The following BTN1A1 variants were observed in gnomAD, a reference collection of about 807,000 sequenced individuals.
The protein encoded by BTN1A1 is bK14H9.2 (butyrophilin, subfamily 1, member A1).
A neutral mutation model predicts 33.1 loss-of-function variants in BTN1A1; 26 were observed. The ratio of observed to expected loss-of-function variants is 0.79; its 90% CI spans 0.58 to 1.09. BTN1A1 has a LOEUF of 1.09. Among genes scored for constraint, BTN1A1 ranks in the 50% least tolerant of loss-of-function variants. BTN1A1 has a pLI of 0.00. For missense variants in BTN1A1, 558 were observed against 655.7 expected (o/e 0.85, Z 1.63); for synonymous variants, 235 against 256.2 (o/e 0.92, Z 0.79).
chr6:26,503,212 G>C (rs1243044806), intron 3 of BTN1A1, among the ~76,000 whole-genome samples: 1 of 151,580 alleles, frequency 6.6e-6, no homozygotes, highest in Non-Finnish European at 1.5e-5. Flanking sequence ...AGTGGGATGT[G>C]GTGTCTCACG....
intron 5 of BTN1A1, 83 bp downstream of exon 5, chr6:26,506,915 T>G (rs537580875): frequency 1.9e-4 from 287 of 1,500,464 alleles, no homozygotes; most frequent in Non-Finnish European, 2.5e-4. Flanking sequence ...ATGACTTATT[T>G]TAGGATGACA....
intron 3 of BTN1A1, 45 bp from the exon 4 acceptor site, chr6:26,504,879 CA>C (rs3830939): frequency 0.015 from 23,590 of 1,586,476 alleles, 250 homozygotes; most frequent in South Asian, 0.034. Flanking sequence ...ATAAGGCTCC[CA>C]AAAGGGGTCC....
In BTN1A1 at chr6:26,508,712, C is replaced by T. The variant is rs199986830; in HGVS notation, c.1119C>T (p.Gly373=). The change falls in exon 8 of 8, where the codon GGC becomes GGT. Residue 373 remains glycine (G), a synonymous_variant. Transcript: ENST00000684113. ...GAGACAGGACTGACTGGGCAATCGG[C>T]GTGTGTAGGGAGAATGTGATGAAGA... The part of the protein sequence containing the change: ...EVGDRTDWAI[G]VCRENVMKKG... 3.5e-5 allele frequency: 57 copies of T among 1,614,058 alleles called. No homozygotes were observed. The highest frequency in any genetic ancestry group is 3.1e-4 in the South Asian group (28 of 91,082).
chr6:26,503,832 ACATAGAAATTTGATGGC>A (rs1444526341), intron 3 of BTN1A1, among the ~76,000 whole-genome samples: 1 of 152,142 alleles, frequency 6.6e-6, no homozygotes, highest in African/African-American at 2.4e-5. Flanking sequence ...GATTATAAAA[ACATAGAAATTTGATGGC>A]ATAAAATGTG....
intron 1 of BTN1A1, among the ~76,000 whole-genome samples, 150 bp downstream of exon 1, chr6:26,500,508 C>T (rs1365422950): frequency 1.3e-5 from 2 of 152,174 alleles, no homozygotes; most frequent in Non-Finnish European, 2.9e-5. Context: ...CTTCTTGCTC[C>T]ATCTCCTCCC....
chr6:26,506,043 C>T (rs565887691), intron 4 of BTN1A1, among the ~76,000 whole-genome samples: 1 of 149,274 alleles, frequency 6.7e-6, no homozygotes, highest in Non-Finnish European at 1.5e-5. Context: ...GGTGTGAACC[C>T]GGGAGGCAGA....
chr6:26,501,075 T>G lies in BTN1A1; in HGVS notation c.-57-155T>G. The G allele has an allele frequency of 1.7e-6, 1 of 599,694 alleles. No individual in the cohort carries two copies. The allele number at this position is 599,694 out of a possible 1,614,324, so 37.1% of individuals were successfully genotyped here. A position where few individuals can be genotyped will look rare whatever the true frequency, so the allele number is the denominator to read the frequency against. On this transcript the variant is annotated intron_variant, in intron 1 of 7. Coordinates refer to ENST00000684113, the MANE Select transcript of BTN1A1 (RefSeq NM_001732.3). This position sits in a 1 kb window ranked among gnomAD's most constrained non-coding sequence, Gnocchi z 5.2. ...GTGGGTGGGAAGGTGATAACCACAGTGTAAACTAAAAATCCATACTGGGGA... is the reference window on the plus strand; with the variant it reads ...GTGGGTGGGAAGGTGATAACCACAGGGTAAACTAAAAATCCATACTGGGGA...
At position 26,508,569 on chromosome 6, in the gene BTN1A1, C is replaced by T. The variant is rs755009512; in HGVS notation, c.976C>T (p.Arg326Ter). The T allele has an allele frequency of 8.7e-6, 14 of 1,613,994 alleles. No individual in the cohort carries two copies. Among genetic ancestry groups the T allele is most frequent in the African/African-American group, 1.3e-5 (1 of 74,912 alleles). ...LFLYEDSKSV[R>*]LEDSRQKLPE... is the part of the protein sequence containing the mutation. The stretch of plus-strand genomic sequence containing the variant: ...TCTTTATGAGGATTCAAAATCTGTT[C>T]GACTGGAAGATTCACGTCAGAAACT... The change falls in exon 8 of 8, where the codon CGA becomes TGA. Residue 326 changes from arginine (R) to a stop codon, truncating the protein, a stop_gained. Coordinates refer to ENST00000684113, the MANE Select transcript of BTN1A1 (RefSeq NM_001732.3). LOFTEE classifies it low-confidence loss of function (END_TRUNC).
chr6:26,508,675 A>C lies in BTN1A1; in HGVS notation c.1082A>C (p.Glu361Ala). Residue 361 changes from glutamate to alanine, a missense_variant, in exon 8 of 8, where the codon GAG (glutamate) becomes GCG (alanine). Physicochemically the swap from Glu to Ala is moderately radical, Grantham distance 107 (BLOSUM62 -1). Coordinates refer to ENST00000684113, the MANE Select transcript of BTN1A1 (RefSeq NM_001732.3). ...TTCACCTCAGGAAGGCATTACTGGGAGGTGGAGGTGGGAGACAGGACTGAC... is the reference window on the plus strand; with the variant it reads ...TTCACCTCAGGAAGGCATTACTGGGCGGTGGAGGTGGGAGACAGGACTGAC... ...ETFTSGRHYW[E>A]VEVGDRTDWA... 1.2e-6 allele frequency: 2 copies of C among 1,614,092 alleles called. No homozygotes were observed. The highest frequency in any genetic ancestry group is 1.7e-6 in the Non-Finnish European group (2 of 1,180,010).
chr6:26,502,281 C>T (rs1299490103), intron 3 of BTN1A1, among the ~76,000 whole-genome samples: 1 of 152,160 alleles, frequency 6.6e-6, no homozygotes, highest in Non-Finnish European at 1.5e-5. Flanking sequence ...TGTGCAGTAT[C>T]TATAAGGCAA....
rs1479534475 is a variant in BTN1A1 at position 26,508,966 on chromosome 6, C to G, written c.1373C>G (p.Pro458Arg). The G allele has an allele frequency of 6.2e-7, 1 of 1,614,212 alleles. No homozygotes were observed. The highest frequency in any genetic ancestry group is 8.5e-7 in the Non-Finnish European group (1 of 1,180,040). The change falls in exon 8 of 8, where the codon CCC becomes CGC. Residue 458 changes from proline to arginine, a missense_variant. Pro to Arg is a moderately radical substitution (Grantham distance 103, BLOSUM62 -2). Coordinates refer to ENST00000684113, the MANE Select transcript of BTN1A1 (RefSeq NM_001732.3). ...SNVTFSGPLR[P>R]FFCLWSSGKK... ...GTCACTTTCTCTGGCCCCCTCCGGC[C>G]CTTCTTTTGCCTATGGTCTAGCGGT...
In BTN1A1 at chr6:26,509,079, C is replaced by G; in HGVS notation, c.1486C>G (p.Pro496Ala). The change falls in exon 8 of 8, where the codon CCA becomes GCA. Residue 496 changes from proline to alanine, a missense_variant. Coordinates refer to ENST00000684113, the MANE Select transcript of BTN1A1 (RefSeq NM_001732.3). ...TGCCCAGGACCTTTCTAAGGAGATC[C>G]CATTGTCCCCCATGGGGGAGGACTC... ...ANAQDLSKEI[P>A]LSPMGEDSAP... The G allele has an allele frequency of 6.2e-7, 1 of 1,614,110 alleles. No individual in the cohort carries two copies. The highest frequency in any genetic ancestry group is 8.5e-7 in the Non-Finnish European group (1 of 1,179,968).
rs1763918532 is a variant in BTN1A1, at chr6:26,509,695, G to A, written c.*521G>A. The stretch of plus-strand genomic sequence containing the variant: ...GATGAACACCTGGCTCATCCATAGA[G>A]TTTTCACAGCCTATATCGCAAATTT... On this transcript the variant is annotated 3_prime_UTR_variant, in exon 8 of 8. Transcript: ENST00000684113. 6.4e-6 allele frequency: 1 copy of A among 155,992 alleles called. No homozygotes were observed. The highest frequency in any genetic ancestry group is 1.4e-5 in the Non-Finnish European group (1 of 70,700). 9.7% of individuals were successfully genotyped at this position (155,992 alleles called of 1,614,324 possible).
At chr6:26,505,962 C>CA (rs1763864401) in intron 4 of BTN1A1, among the ~76,000 whole-genome samples, 1 of 151,640 alleles carries the variant, frequency 6.6e-6, no homozygotes, top group Non-Finnish European at 1.5e-5. Context: ...ACTAAAAATA[C>CA]AAAAAAATTA....
chr6:26,506,440 T>C (rs1763870979), intron 4 of BTN1A1, among the ~76,000 whole-genome samples: 3 of 152,182 alleles, frequency 2.0e-5, no homozygotes, highest in African/African-American at 7.2e-5. Context: ...TCCATTATAT[T>C]TATTATTTCA....
intron 3 of BTN1A1, among the ~76,000 whole-genome samples, chr6:26,502,840 G>T (rs988288054): frequency 6.6e-6 from 1 of 152,020 alleles, no homozygotes; most frequent in East Asian, 1.9e-4. Flanking sequence ...ATATAGAAAA[G>T]ATTCTGTTCT....
Position 26,507,985 on chromosome 6 carries a change from C to T in BTN1A1, c.880+15C>T. On this transcript the variant is annotated intron_variant, in intron 6 of 7. Coordinates refer to ENST00000684113, the MANE Select transcript of BTN1A1 (RefSeq NM_001732.3). ...GGAAGAACTCAGTAAGTTCTGTCTT[C>T]TTGTTATTTCACCCACAGAGTTTTC... The T allele has an allele frequency of 6.2e-7, 1 of 1,613,964 alleles. No homozygotes were observed. The highest frequency in any genetic ancestry group is 8.5e-7 in the Non-Finnish European group (1 of 1,179,944).
chr6:26,501,948 G>A lies in BTN1A1; in HGVS notation c.427+11G>A, dbSNP rs757795288. The A allele has an allele frequency of 5.8e-6, 9 of 1,539,840 alleles. No homozygotes were observed. Among genetic ancestry groups the A allele is most frequent in the African/African-American group, 5.5e-5 (4 of 72,642 alleles). On this transcript the variant is annotated intron_variant, in intron 3 of 7. Transcript: ENST00000684113. This position sits in a 1 kb window ranked among gnomAD's most constrained non-coding sequence, Gnocchi z 5.2. ...ATCTGAAGGTGGCTGGTGAGTAGAC[G>A]GGTTTTGACTTTCTCCGACGACTCC... is the stretch of plus-strand genomic sequence containing the variant.
rs34524548 is a variant in BTN1A1, at chr6:26,506,123, C to CA, written c.710-545dup. Among the ~76,000 whole-genome samples the CA allele has an allele frequency of 4.0e-3, 516 of 130,038 alleles. 6 individuals are homozygous for CA. The highest frequency in any genetic ancestry group is 8.6e-3 in the African/African-American group (296 of 34,616). The allele number at this position is 130,038 out of a possible 152,430, so 85.3% of individuals were successfully genotyped here. On this transcript the variant is annotated intron_variant, in intron 4 of 7. Coordinates refer to ENST00000684113, the MANE Select transcript of BTN1A1 (RefSeq NM_001732.3). ...TGGGTGACAGAGCGAGACTGCATCT[C>CA]AAAAAAAAAAAAAAAGACTAAGTTA...
Sources: gnomAD v4.1 joint callset for allele counts (sites outside exome capture counted in the v4.1 genomes callset) on GRCh38, gnomAD v4.1.1 for gene constraint, Gnocchi (gnomAD v3.1) non-coding constraint, MANE v1.5 for transcripts, NCBI Gene and HGNC (gene_info 2026-07-23, HGNC 2026-07-21) for gene names.